The following MAGI1 variants were observed in gnomAD, a reference collection of about 807,000 sequenced individuals.
MAGI1 encodes membrane associated guanylate kinase, WW and PDZ domain containing 1, also known as membrane-associated guanylate kinase, WW and PDZ domain-containing protein 1.
In MAGI1, 58 loss-of-function variants were observed where a neutral mutation model predicts 139.9. The ratio of observed to expected loss-of-function variants is 0.41; its 90% CI spans 0.34 to 0.52. MAGI1 has a LOEUF of 0.52. MAGI1 is among the 20% of genes least tolerant of loss of function. The pLI, the probability that MAGI1 is intolerant of heterozygous loss-of-function variation, is 0.12. For missense variants in MAGI1, 1,874 were observed against 1,901.6 expected, an observed-to-expected ratio of 0.99 and a Z score of 0.27; for synonymous variants, 812 against 737.9, an observed-to-expected ratio of 1.10 and a Z score of -1.63.
intron 9 of MAGI1, among the ~76,000 whole-genome samples, chr3:65,437,811 C>T (rs1443805746): frequency 6.6e-6 from 1 of 152,140 alleles, no homozygotes; most frequent in Non-Finnish European, 1.5e-5. Context: ...TCCAGCTCAG[C>T]TAACATATTC....
intron 4 of MAGI1, among the ~76,000 whole-genome samples, chr3:65,474,795 T>A (rs1291658155): frequency 6.6e-6 from 1 of 152,144 alleles, no homozygotes; most frequent in Non-Finnish European, 1.5e-5. Flanking sequence ...TCCATAAAGC[T>A]GATGAACTTG....
At chr3:65,782,386 C>G (rs2039002043) in intron 1 of MAGI1, among the ~76,000 whole-genome samples, 1 of 151,990 alleles carries the variant, frequency 6.6e-6, no homozygotes, top group Non-Finnish European at 1.5e-5. Flanking sequence ...TCCCATAAAG[C>G]CTTAGGAAGG....
intron 1 of MAGI1, among the ~76,000 whole-genome samples, chr3:65,997,399 G>A (rs2066505087): frequency 6.6e-6 from 1 of 152,208 alleles, no homozygotes; most frequent in South Asian, 2.1e-4. Flanking sequence ...GCTCACGCCT[G>A]TAATCCCAGC....
chr3:65,696,758 C>T lies in MAGI1; in HGVS notation c.314-74670G>A, dbSNP rs75910114. 3.1e-3 allele frequency among the ~76,000 whole-genome samples: 478 copies of T among 151,942 alleles called. 4 individuals carry two copies. The highest frequency in any genetic ancestry group is 0.011 in the African/African-American group (456 of 41,448). On this transcript the variant is annotated intron_variant, in intron 1 of 22. Transcript: ENST00000402939. ...CCACAGCATACATATAATAAAGAAA[C>T]AAGAATAGGGGAAAAGCCAAACCCT...
chr3:65,640,748 C>T (rs917028970), intron 1 of MAGI1, among the ~76,000 whole-genome samples: 1 of 152,128 alleles, frequency 6.6e-6, no homozygotes, highest in African/African-American at 2.4e-5. Flanking sequence ...CGTATTTACC[C>T]GAATCCTAAA....
At position 65,409,921 on chromosome 3, in the gene MAGI1, C is replaced by T. The variant is rs148521844; in HGVS notation, c.2168-8451G>A. ...TAAGAACATAGTTGTACTGGTTTTA[C>T]AGCTACAGAGAAGTCTGCTTCAATT... On this transcript the variant is annotated intron_variant, in intron 12 of 22. Transcript: ENST00000402939. Among the ~76,000 whole-genome samples the T allele has an allele frequency of 1.1e-3, 162 of 152,316 alleles. 1 individual carries two copies. The East Asian group carries it at 0.028, about 26-fold the overall frequency.
intron 1 of MAGI1, among the ~76,000 whole-genome samples, chr3:65,875,950 A>G (rs1305959857): frequency 6.6e-6 from 1 of 152,124 alleles, no homozygotes; most frequent in Admixed American, 6.5e-5. Flanking sequence ...ACATTAAAGC[A>G]AGTGGACAGA....
chr3:65,768,263 T>C (rs2037654520), intron 1 of MAGI1, among the ~76,000 whole-genome samples: 1 of 152,022 alleles, frequency 6.6e-6, no homozygotes, highest in Admixed American at 6.6e-5. Flanking sequence ...CTACTAAAAA[T>C]ACAAAAATTA....
intron 5 of MAGI1, among the ~76,000 whole-genome samples, chr3:65,458,437 GAGA>G (rs1949547388): frequency 6.6e-6 from 1 of 151,258 alleles, no homozygotes; most frequent in Non-Finnish European, 1.5e-5. Flanking sequence ...ATAACAGTGT[GAGA>G]AGGTTTCCTT....
At chr3:65,952,167 G>A (rs144513173) in intron 1 of MAGI1, among the ~76,000 whole-genome samples, 1 of 152,278 alleles carries the variant, frequency 6.6e-6, no homozygotes, top group Non-Finnish European at 1.5e-5. Flanking sequence ...TTCTCTGACA[G>A]ACTTTTTGGG....
At chr3:65,665,632 T>C (rs766138763) in intron 1 of MAGI1, among the ~76,000 whole-genome samples, 2 of 152,204 alleles carry the variant, frequency 1.3e-5, no homozygotes, top group African/African-American at 2.4e-5. Context: ...GTATTTCCCT[T>C]AGCAGATCAG....
chr3:65,752,104 T>C (rs1442149994), intron 1 of MAGI1, among the ~76,000 whole-genome samples: 1 of 152,120 alleles, frequency 6.6e-6, no homozygotes, highest in African/African-American at 2.4e-5. Context: ...TCACAAGGCC[T>C]GGCTAAATTT....
intron 1 of MAGI1, among the ~76,000 whole-genome samples, chr3:65,696,621 T>G (rs1035897860): frequency 2.0e-5 from 3 of 149,760 alleles, no homozygotes. Flanking sequence ...AGCTTCATGT[T>G]TTTTTTCCCT....
intron 1 of MAGI1, among the ~76,000 whole-genome samples, chr3:65,826,828 A>G (rs2042254815): frequency 6.6e-6 from 1 of 152,198 alleles, no homozygotes; most frequent in Admixed American, 6.5e-5. Context: ...TTCTCTTTCT[A>G]ACAATTTTTA....
intron 1 of MAGI1, among the ~76,000 whole-genome samples, chr3:65,758,363 C>A (rs1271462944): frequency 6.6e-6 from 1 of 151,682 alleles, no homozygotes; most frequent in African/African-American, 2.4e-5. Context: ...TTCAAAACTA[C>A]CCAAATATCA....
intron 2 of MAGI1, among the ~76,000 whole-genome samples, chr3:65,502,432 C>T (rs2077119129): frequency 6.6e-6 from 1 of 152,094 alleles, no homozygotes; most frequent in Non-Finnish European, 1.5e-5. Flanking sequence ...ACTGTTATAA[C>T]AGAATACCAT....
At chr3:65,859,620 C>G (rs2108435969) in intron 1 of MAGI1, among the ~76,000 whole-genome samples, 1 of 151,720 alleles carries the variant, frequency 6.6e-6, no homozygotes, top group Middle Eastern at 3.4e-3. Flanking sequence ...ACTCAGGAGG[C>G]TGAGGCAGGA....
chr3:65,948,575 A>C (rs1435258948), intron 1 of MAGI1, among the ~76,000 whole-genome samples: 1 of 152,194 alleles, frequency 6.6e-6, no homozygotes, highest in African/African-American at 2.4e-5. Flanking sequence ...AAAATTTTGG[A>C]AAGTTCAGTA....
intron 2 of MAGI1, among the ~76,000 whole-genome samples, chr3:65,611,599 G>GTA (rs1419690941): frequency 1.5e-4 from 19 of 130,680 alleles, no homozygotes; most frequent in East Asian, 4.1e-4. Flanking sequence ...AGTATATACA[G>GTA]TATATATATA....
Sources: allele counts gnomAD v4.1 joint callset (sites outside exome capture counted in the v4.1 genomes callset), GRCh38; gene constraint gnomAD v4.1.1; transcripts MANE v1.5; gene names NCBI Gene and HGNC (gene_info 2026-07-23, HGNC 2026-07-21).